Variants in DPP9 observed in about 807,000 individuals in gnomAD.
The protein encoded by DPP9 is dipeptidyl peptidase 9.
In DPP9, 50 loss-of-function variants were observed where a neutral mutation model predicts 110.7. That is an observed-to-expected ratio of 0.45 (90% CI 0.36 to 0.57). DPP9 has a LOEUF of 0.57. DPP9 is among the 20% of genes least tolerant of loss of function. The pLI, the probability that DPP9 is intolerant of heterozygous loss-of-function variation, is 0.00. For synonymous variants in DPP9, 561 were observed against 514.4 expected, an observed-to-expected ratio of 1.09 and a Z score of -1.23; for missense variants, 1,022 against 1,217.9, an observed-to-expected ratio of 0.84 and a Z score of 2.39.
chr19:4,692,479 G>A (rs765319178), intron 13 of DPP9, among the ~76,000 whole-genome samples: 1 of 152,126 alleles, frequency 6.6e-6, no homozygotes, highest in Non-Finnish European at 1.5e-5. Context: ...GCTCCTGCCC[G>A]CGTCCCGACG....
At chr19:4,683,750 GC>G in intron 18 of DPP9, 121 bp from the exon 19 acceptor site, 1 of 1,598,364 alleles carries the variant, frequency 6.3e-7, no homozygotes, top group Non-Finnish European at 8.5e-7. Context: ...CTCGCTGGAA[GC>G]CCCCTGTCCT....
Position 4,676,447 on chromosome 19 carries a change from G to A in DPP9, c.*117C>T. On this transcript the variant is annotated 3_prime_UTR_variant, in exon 22 of 22. Transcript: ENST00000262960. The surrounding 1 kb of genome is among the most constrained non-coding windows in gnomAD (Gnocchi z 4.0). ...CAGCGGCTCCTCGGGGCTGGCCAGC[G>A]CTGGGCGGGACAAAGTGCCTCACTG... 1 of 877,940 alleles carries A rather than the reference G, an allele frequency of 1.1e-6. No homozygotes were observed. Among genetic ancestry groups the A allele is most frequent in the Non-Finnish European group, 1.8e-6 (1 of 547,422 alleles). 54.4% of individuals were successfully genotyped at this position (877,940 alleles called of 1,614,324 possible). A position where few individuals can be genotyped will look rare whatever the true frequency, so the allele number is the denominator to read the frequency against.
chr19:4,687,144 G>C lies in DPP9; in HGVS notation c.1886-1373C>G, dbSNP rs937245806. The stretch of plus-strand genomic sequence containing the variant: ...GAAGCCAGGGCTCCAGCTCCTGGCG[G>C]TGTCGGTGCGGACAGGAGAGTGAGG... On this transcript the variant is annotated intron_variant, in intron 16 of 21. Transcript: ENST00000262960. This position sits in a 1 kb window ranked among gnomAD's most constrained non-coding sequence, Gnocchi z 4.7. Among the ~76,000 whole-genome samples, 1 of 152,164 alleles carries C rather than the reference G, an allele frequency of 6.6e-6. No homozygotes were observed.
At chr19:4,702,267 G>A in intron 8 of DPP9, 112 bp from the exon 9 acceptor site, 1 of 1,396,424 alleles carries the variant, frequency 7.2e-7, no homozygotes, top group Non-Finnish European at 9.6e-7. Flanking sequence ...CGAGGGCTCT[G>A]AAACCAGAAC....
At position 4,700,303 on chromosome 19, in the gene DPP9, AC is replaced by A; in HGVS notation, c.1013-27del. 6.3e-7 allele frequency: 1 copy of A among 1,586,446 alleles called. No individual in the cohort carries two copies. The highest frequency in any genetic ancestry group is 8.6e-7 in the Non-Finnish European group (1 of 1,162,710). ...CTGCAAAAACCGAAGTGAGGTGAAC[AC>A]CAGGCAGGCATCACCCGTGTGTGCC... On this transcript the variant is annotated intron_variant, in intron 9 of 21. Coordinates refer to ENST00000262960, the MANE Select transcript of DPP9 (RefSeq NM_139159.5). The surrounding 1 kb of genome is among the most constrained non-coding windows in gnomAD (Gnocchi z 4.3).
At chr19:4,683,669 C>T (rs201661492) in intron 18 of DPP9, 40 bp from the exon 19 acceptor site, 34 of 1,613,052 alleles carry the variant, frequency 2.1e-5, no homozygotes, top group Admixed American at 5.0e-5. Context: ...GGCCTCCTCC[C>T]GGTATGTCCC....
chr19:4,679,412 T>C, intron 21 of DPP9: 1 of 217,992 alleles, frequency 4.6e-6, no homozygotes, highest in African/African-American at 2.3e-5. Context: ...CACCCTTCAC[T>C]GCTGCCTCCT....
intron 21 of DPP9, among the ~76,000 whole-genome samples, chr19:4,679,074 C>G (rs1451270983): frequency 6.6e-6 from 1 of 151,398 alleles, no homozygotes; most frequent in Non-Finnish European, 1.5e-5. Flanking sequence ...TGAGGGCCCC[C>G]CCTCCTCTAC....
Position 4,700,313 on chromosome 19 carries a change from C to T in DPP9, c.1013-36G>A, listed in dbSNP as rs373252093. The T allele has an allele frequency of 6.4e-7, 1 of 1,573,982 alleles. No individual in the cohort carries two copies. The highest frequency in any genetic ancestry group is 8.7e-7 in the Non-Finnish European group (1 of 1,154,152). On this transcript the variant is annotated intron_variant, in intron 9 of 21. Coordinates refer to ENST00000262960, the MANE Select transcript of DPP9 (RefSeq NM_139159.5). The surrounding 1 kb of genome is among the most constrained non-coding windows in gnomAD (Gnocchi z 4.3). ...CGAAGTGAGGTGAACACCAGGCAGG[C>T]ATCACCCGTGTGTGCCGAGAGCCGG...
At chr19:4,691,942 T>A (rs1267116270) in intron 13 of DPP9, among the ~76,000 whole-genome samples, 1 of 151,850 alleles carries the variant, frequency 6.6e-6, no homozygotes, top group Non-Finnish European at 1.5e-5. Context: ...CCTCCCAAAT[T>A]GCTGGGATTA....
intron 1 of DPP9, 129 bp from the exon 2 acceptor site, chr19:4,722,680 T>G (rs1400304554): frequency 3.0e-6 from 2 of 660,020 alleles, no homozygotes. Context: ...AGCTCTGCCT[T>G]GAAGCCCTGC....
rs1340242698 is a variant in DPP9 at position 4,695,313 on chromosome 19, TG to T, written c.1353+64del. The T allele has an allele frequency of 8.2e-5, 119 of 1,455,496 alleles. No individual in the cohort carries two copies. The East Asian group carries it at 3.1e-3, about 38-fold the overall frequency. The allele number at this position is 1,455,496 out of a possible 1,614,324, so 90.2% of individuals were successfully genotyped here. ...CATTGGCGCTCAGCCTTCTAGGACG[TG>T]GGGGTGGGGACAGTGTGACTCCAGG... On this transcript the variant is annotated intron_variant, in intron 12 of 21. Transcript: ENST00000262960. This position sits in a 1 kb window ranked among gnomAD's most constrained non-coding sequence, Gnocchi z 4.7.
chr19:4,683,445 C>A (rs747749255), intron 19 of DPP9, 32 bp downstream of exon 19: 3 of 1,611,138 alleles, frequency 1.9e-6, no homozygotes, highest in Non-Finnish European at 2.5e-6. Flanking sequence ...CAGGGAGGGG[C>A]GTGGCTGAGG....
At chr19:4,713,666 C>T (rs1212767837) in intron 4 of DPP9, among the ~76,000 whole-genome samples, 5 of 152,232 alleles carry the variant, frequency 3.3e-5, no homozygotes, top group Admixed American at 2.6e-4. Context: ...CTCCCGACTC[C>T]CTCTGGGAAT....
In DPP9 at chr19:4,684,529, G is replaced by T; in HGVS notation, c.2178+134C>A. On this transcript the variant is annotated intron_variant, in intron 18 of 21. Transcript: ENST00000262960. This position sits in a 1 kb window ranked among gnomAD's most constrained non-coding sequence, Gnocchi z 4.8. ...TTGTTCTAAAAGGGCGCCTCATTGA[G>T]CCTGCGTCACCCCAGCCAGAAGTGC... is the stretch of plus-strand genomic sequence containing the variant. The T allele has an allele frequency of 3.9e-6, 4 of 1,033,644 alleles. No homozygotes were observed. Among genetic ancestry groups the T allele is most frequent in the Non-Finnish European group, 4.2e-6 (3 of 717,334 alleles). The allele number at this position is 1,033,644 out of a possible 1,614,324, so 64.0% of individuals were successfully genotyped here. A position where few individuals can be genotyped will look rare whatever the true frequency, so the allele number is the denominator to read the frequency against.
chr19:4,702,518 G>T, intron 8 of DPP9, 85 bp downstream of exon 8: 1 of 1,038,584 alleles, frequency 9.6e-7, no homozygotes, highest in Non-Finnish European at 1.4e-6. Flanking sequence ...TGAGGTGAAA[G>T]GAGTAAGGCG....
chr19:4,680,947 ACTCT>A (rs1346128149), intron 20 of DPP9, among the ~76,000 whole-genome samples: 2 of 151,910 alleles, frequency 1.3e-5, no homozygotes, highest in Admixed American at 6.6e-5. Flanking sequence ...ACAGAGTGAG[ACTCT>A]CTCAACAAAA....
intron 16 of DPP9, among the ~76,000 whole-genome samples, chr19:4,686,868 C>T (rs1000632214): frequency 4.6e-5 from 7 of 152,148 alleles, no homozygotes; most frequent in African/African-American, 1.4e-4. Context: ...GGACACGCTC[C>T]GTGCTGTGTC....
chr19:4,696,871 T>C (rs1029520696), intron 11 of DPP9, among the ~76,000 whole-genome samples: 1 of 152,130 alleles, frequency 6.6e-6, no homozygotes, highest in Non-Finnish European at 1.5e-5. Context: ...CATTAACCAA[T>C]GCAATTAGAA....
Sources: allele counts gnomAD v4.1 joint callset (sites outside exome capture counted in the v4.1 genomes callset), GRCh38; gene constraint gnomAD v4.1.1; non-coding constraint Gnocchi (gnomAD v3.1); transcripts MANE v1.5; gene names NCBI Gene and HGNC (gene_info 2026-07-23, HGNC 2026-07-21).